The following SPRED2 variants were observed in gnomAD, a reference collection of about 807,000 sequenced individuals.
The protein encoded by SPRED2 is sprouty related EVH1 domain containing 2, also known as sprouty-related, EVH1 domain-containing protein 2.
A neutral mutation model predicts 43.0 loss-of-function variants in SPRED2; 47 were observed. That is an observed-to-expected ratio of 1.09 (90% CI 0.87 to 1.40). The LOEUF is 1.40. SPRED2 is among the 40% of genes most tolerant of loss of function. The pLI is 0.00. For missense variants in SPRED2, 561 were observed against 586.4 expected (o/e 0.96, Z 0.45); for synonymous variants, 225 against 225.7 (o/e 1.00, Z 0.03).
intron 1 of SPRED2, among the ~76,000 whole-genome samples, chr2:65,393,456 C>T (rs1192020482): frequency 6.6e-6 from 1 of 151,880 alleles, no homozygotes; most frequent in Non-Finnish European, 1.5e-5. Context: ...CTCAGCCTCC[C>T]GAGTAGCTGT....
At chr2:65,315,177 C>G (rs1673198530) in intron 5 of SPRED2, among the ~76,000 whole-genome samples, 1 of 145,996 alleles carries the variant, frequency 6.8e-6, no homozygotes, top group Non-Finnish European at 1.5e-5. Context: ...CTTTCGAAGT[C>G]CTTTGGGCAT....
chr2:65,402,390 C>T (rs554949513), intron 1 of SPRED2, among the ~76,000 whole-genome samples: 2 of 150,972 alleles, frequency 1.3e-5, no homozygotes, highest in East Asian at 1.9e-4. Context: ...GCCGGGTAAG[C>T]GGGCTGCCCA....
At chr2:65,338,047 T>C (rs2104231898) in intron 2 of SPRED2, among the ~76,000 whole-genome samples, 1 of 152,326 alleles carries the variant, frequency 6.6e-6, no homozygotes, top group African/African-American at 2.4e-5. Flanking sequence ...ATTTGGAAGA[T>C]CTGCTTAACT....
chr2:65,339,106 G>GAGGGA, intron 2 of SPRED2, among the ~76,000 whole-genome samples: 1 of 119,802 alleles, frequency 8.3e-6, no homozygotes, highest in South Asian at 2.8e-4. Context: ...TTGGGCGGGG[G>GAGGGA]GTCAGCGCCC....
chr2:65,381,398 T>G (rs1419584209), intron 1 of SPRED2, among the ~76,000 whole-genome samples: 1 of 152,166 alleles, frequency 6.6e-6, no homozygotes, highest in Non-Finnish European at 1.5e-5. Context: ...ATGGCCCAAG[T>G]TGTGTTCCCT....
intron 1 of SPRED2, among the ~76,000 whole-genome samples, chr2:65,431,511 G>T (rs190606212): frequency 1.3e-5 from 2 of 152,236 alleles, no homozygotes; most frequent in Admixed American, 6.5e-5. Flanking sequence ...ACGAAATGGC[G>T]GAGCCTAGGC....
chr2:65,335,933 C>T (rs1014420893), intron 2 of SPRED2, among the ~76,000 whole-genome samples: 1 of 152,196 alleles, frequency 6.6e-6, no homozygotes, highest in African/African-American at 2.4e-5. Flanking sequence ...CAAAGATCTG[C>T]ATTTACCGCA....
Position 65,311,535 on chromosome 2 carries a change from C to G in SPRED2, c.*1966G>C. The G allele has an allele frequency of 2.0e-6, 2 of 985,666 alleles. No individual in the cohort carries two copies. The highest frequency in any genetic ancestry group is 2.4e-6 in the Non-Finnish European group (2 of 829,924). The allele number at this position is 985,666 out of a possible 1,614,324, so 61.1% of individuals were successfully genotyped here. On this transcript the variant is annotated 3_prime_UTR_variant, in exon 6 of 6. Coordinates refer to ENST00000356388, the MANE Select transcript of SPRED2 (RefSeq NM_181784.3). ...GTGTTGTGCTTTGTAGAGAAGAGAC[C>G]CTAGAGAAAGACCCCAAGGAAGTGC...
At chr2:65,352,267 T>C (rs919401276) in intron 1 of SPRED2, among the ~76,000 whole-genome samples, 5 of 152,262 alleles carry the variant, frequency 3.3e-5, no homozygotes, top group Admixed American at 3.3e-4. Context: ...TTCTGATCAT[T>C]AAACGTTTGT....
chr2:65,349,324 A>AC (rs1160665424), intron 1 of SPRED2, among the ~76,000 whole-genome samples: 1 of 151,716 alleles, frequency 6.6e-6, no homozygotes, highest in Non-Finnish European at 1.5e-5. Context: ...AAAAAAAAAA[A>AC]AAAAAAGAAT....
In SPRED2 at chr2:65,376,228, GC is replaced by G. The variant is rs1200978676; in HGVS notation, c.27-31333del. Among the ~76,000 whole-genome samples, 3 of 152,310 alleles carry G rather than the reference GC, an allele frequency of 2.0e-5. No homozygotes were observed. In the East Asian group the frequency reaches 5.8e-4, roughly 29 times the overall value. On this transcript the variant is annotated intron_variant, in intron 1 of 5. Coordinates refer to ENST00000356388, the MANE Select transcript of SPRED2 (RefSeq NM_181784.3). ...TATTTCAGGGTGAAGAAGGGGAAACGCCCATGGGCTCCAGGAGCCAACCATG... is the reference window on the plus strand; with the variant it reads ...TATTTCAGGGTGAAGAAGGGGAAACGCCATGGGCTCCAGGAGCCAACCATG...
chr2:65,382,457 C>A (rs575662615), intron 1 of SPRED2, among the ~76,000 whole-genome samples: 3 of 152,290 alleles, frequency 2.0e-5, no homozygotes, highest in South Asian at 4.1e-4. Context: ...GGGTAACCCC[C>A]CCTCAGCCAG....
At position 65,313,049 on chromosome 2, in the gene SPRED2, G is replaced by C. The variant is rs1306965689; in HGVS notation, c.*452C>G. ...TCCGCTGAACCAGATGCTTGCTAGC[G>C]ACAGGCAAGGTGAACCAAGAGAAAG... On this transcript the variant is annotated 3_prime_UTR_variant, in exon 6 of 6. Transcript: ENST00000356388. 7.1e-6 allele frequency: 7 copies of C among 987,124 alleles called. No homozygotes were observed. The African/African-American group carries it at 1.2e-4, about 17-fold the overall frequency. 61.1% of individuals were successfully genotyped at this position (987,124 alleles called of 1,614,324 possible).
chr2:65,410,980 CTGTT>C (rs1289486419), intron 1 of SPRED2, among the ~76,000 whole-genome samples: 3 of 152,326 alleles, frequency 2.0e-5, no homozygotes, highest in Admixed American at 6.5e-5. Context: ...GGACCTCAGA[CTGTT>C]TGTTCGAGGT....
chr2:65,354,526 C>T (rs997815835), intron 1 of SPRED2, among the ~76,000 whole-genome samples: 1 of 150,712 alleles, frequency 6.6e-6, no homozygotes, highest in African/African-American at 2.4e-5. Flanking sequence ...AGTGATTTGG[C>T]TAGATTCTAT....
chr2:65,398,730 G>A (rs1675812840), intron 1 of SPRED2, among the ~76,000 whole-genome samples: 1 of 152,196 alleles, frequency 6.6e-6, no homozygotes, highest in African/African-American at 2.4e-5. Flanking sequence ...AGATGTTGGT[G>A]TGGATGTGCT....
chr2:65,427,030 T>A (rs1676571736), intron 1 of SPRED2, among the ~76,000 whole-genome samples: 1 of 152,118 alleles, frequency 6.6e-6, no homozygotes, highest in Admixed American at 6.5e-5. Context: ...GCTTACAAGC[T>A]CCTTAAGGTC....
chr2:65,330,886 A>G (rs1424034032), intron 4 of SPRED2, among the ~76,000 whole-genome samples: 1 of 152,236 alleles, frequency 6.6e-6, no homozygotes, highest in Admixed American at 6.5e-5. Flanking sequence ...CCCAAATGTT[A>G]CAACAGCTGA....
chr2:65,394,551 C>G (rs1012048896), intron 1 of SPRED2, among the ~76,000 whole-genome samples: 4 of 152,208 alleles, frequency 2.6e-5, no homozygotes, highest in African/African-American at 9.7e-5. Context: ...ATCCAACATT[C>G]ATCGGACCAC....
Sources: allele counts gnomAD v4.1 joint callset (sites outside exome capture counted in the v4.1 genomes callset), GRCh38; gene constraint gnomAD v4.1.1; transcripts MANE v1.5; gene names NCBI Gene and HGNC (gene_info 2026-07-23, HGNC 2026-07-21).